The following RYK variants were observed in gnomAD, a reference collection of about 807,000 sequenced individuals.
RYK encodes the protein inactive tyrosine-protein kinase RYK.
A neutral mutation model predicts 70.2 loss-of-function variants in RYK; 21 were observed. The observed-to-expected ratio is 0.30, with a 90% CI of 0.21 to 0.43. RYK has a LOEUF of 0.43. RYK is among the 20% of genes least tolerant of loss of function. The pLI, the probability that RYK is intolerant of heterozygous loss-of-function variation, is 1.00. For synonymous variants in RYK, 267 were observed against 278.0 expected, an observed-to-expected ratio of 0.96 and a Z score of 0.39; for missense variants, 604 against 753.3, an observed-to-expected ratio of 0.80 and a Z score of 2.32.
At chr3:134,237,384 A>T (rs920463341) in intron 1 of RYK, among the ~76,000 whole-genome samples, 1 of 152,180 alleles carries the variant, frequency 6.6e-6, no homozygotes, top group Non-Finnish European at 1.5e-5. Flanking sequence ...TACCTTGCAC[A>T]TCTCACAAAC....
At chr3:134,196,638 G>C (rs1272976297) in intron 6 of RYK, among the ~76,000 whole-genome samples, 2 of 148,430 alleles carry the variant, frequency 1.3e-5, no homozygotes, top group African/African-American at 5.0e-5. Flanking sequence ...CGGCTGCTAT[G>C]TAATCTATAA....
At chr3:134,221,203 T>C (rs975168506) in intron 2 of RYK, among the ~76,000 whole-genome samples, 1 of 123,514 alleles carries the variant, frequency 8.1e-6, no homozygotes, top group African/African-American at 3.1e-5. Context: ...TTTCTTTTTT[T>C]TTTTTTTTTT....
chr3:134,167,278 G>A (rs112538345), intron 13 of RYK, among the ~76,000 whole-genome samples: 41 of 151,988 alleles, frequency 2.7e-4, no homozygotes, highest in Admixed American at 2.0e-4. Context: ...AAAAGAGCCC[G>A]CATTGCCAAG....
chr3:134,174,554 CACAA>C lies in RYK; in HGVS notation c.1575+1051_1575+1054del, dbSNP rs759507039. 2.2e-4 allele frequency among the ~76,000 whole-genome samples: 34 copies of C among 152,102 alleles called. 1 individual carries two copies. Among genetic ancestry groups the C allele is most frequent in the Non-Finnish European group, 1.6e-4 (11 of 68,010 alleles). The stretch of plus-strand genomic sequence containing the variant: ...TTATTCTATAGGATTTTACATATAA[CACAA>C]ACAGATTATCACTGAGTGAACATAT... On this transcript the variant is annotated intron_variant, in intron 13 of 14. Coordinates refer to ENST00000623711, the MANE Select transcript of RYK (RefSeq NM_002958.4).
chr3:134,171,118 T>C (rs2012892813), intron 13 of RYK: 1 of 152,196 alleles, frequency 6.6e-6, no homozygotes, highest in African/African-American at 2.4e-5. Context: ...ACTAAATAAC[T>C]AACTAAAGTA....
intron 1 of RYK, among the ~76,000 whole-genome samples, chr3:134,249,157 G>C (rs1242588642): frequency 6.6e-6 from 1 of 152,130 alleles, no homozygotes; most frequent in African/African-American, 2.4e-5. Flanking sequence ...TGTGTTCCAA[G>C]TACTACCCCA....
chr3:134,196,582 AAC>A (rs57185535), intron 6 of RYK, among the ~76,000 whole-genome samples: 7,199 of 128,252 alleles, frequency 0.056, 176 homozygotes, highest in East Asian at 0.095. Flanking sequence ...TCTGAAACAA[AAC>A]ACACACACAC....
In RYK at chr3:134,163,896, TAAG is replaced by T. The variant is rs547154228; in HGVS notation, c.1576-4526_1576-4524del. The stretch of plus-strand genomic sequence containing the variant: ...AAATGAACCTGGGTTAAGTGTTTTA[TAAG>T]AAGGAGAAGAATTATCTGGGGTGCT... On this transcript the variant is annotated intron_variant, in intron 13 of 14. Transcript: ENST00000623711. Among the ~76,000 whole-genome samples the T allele has an allele frequency of 1.4e-4, 22 of 152,362 alleles. No homozygotes were observed. In the East Asian group the frequency reaches 3.5e-3, roughly 24 times the overall value.
intron 1 of RYK, among the ~76,000 whole-genome samples, chr3:134,247,279 A>G (rs935721033): frequency 3.3e-5 from 5 of 152,252 alleles, no homozygotes; most frequent in Non-Finnish European, 7.3e-5. Flanking sequence ...CTTATTCTAC[A>G]TTGATTTAGA....
intron 2 of RYK, among the ~76,000 whole-genome samples, chr3:134,217,706 G>C (rs2014603504): frequency 6.6e-6 from 1 of 152,178 alleles, no homozygotes. Context: ...CCAAAGGAAA[G>C]ACAATAATCA....
At chr3:134,212,456 T>C (rs1164233645) in intron 2 of RYK, among the ~76,000 whole-genome samples, 1 of 152,228 alleles carries the variant, frequency 6.6e-6, no homozygotes, top group Admixed American at 6.5e-5. Context: ...TTGATAACTA[T>C]GGTATCCCTC....
chr3:134,176,096 T>A, intron 11 of RYK, 57 bp from the exon 12 acceptor site: 1 of 1,040,110 alleles, frequency 9.6e-7, no homozygotes, highest in Middle Eastern at 2.0e-4. Flanking sequence ...GATGGCACTT[T>A]CTTACTTTTT....
intron 1 of RYK, among the ~76,000 whole-genome samples, chr3:134,238,389 T>C (rs1173948768): frequency 6.6e-6 from 1 of 152,164 alleles, no homozygotes; most frequent in Non-Finnish European, 1.5e-5. Context: ...AAAGGAGGAT[T>C]AGAGAGAGCT....
chr3:134,210,425 T>C (rs965832877), intron 3 of RYK, among the ~76,000 whole-genome samples: 3 of 152,210 alleles, frequency 2.0e-5, no homozygotes, highest in Admixed American at 6.5e-5. Flanking sequence ...TAAGATTCTT[T>C]TCCTACAAAT....
At position 134,222,507 on chromosome 3, in the gene RYK, C is replaced by T; in HGVS notation, c.265G>A (p.Asp89Asn). Residue 89 changes from aspartate (D) to asparagine (N), a missense_variant, in exon 2 of 15, where the codon GAC becomes AAC. Asp to Asn is a conservative substitution (Grantham distance 23). Transcript: ENST00000623711. Reference sequence around the variant, plus strand: ...GATAGAGCGTAGTGACTAATAAGGTCATTTCTCACATAATAAAGTTCTGCA... The same window carrying T: ...GATAGAGCGTAGTGACTAATAAGGTTATTTCTCACATAATAAAGTTCTGCA... The part of the protein sequence containing the change: ...LDAELYYVRN[D>N]LISHYALSFS... 6.2e-7 allele frequency: 1 copy of T among 1,612,002 alleles called. No homozygotes were observed. The highest frequency in any genetic ancestry group is 8.5e-7 in the Non-Finnish European group (1 of 1,178,618).
At chr3:134,241,463 C>T (rs2107696267) in intron 1 of RYK, among the ~76,000 whole-genome samples, 1 of 151,946 alleles carries the variant, frequency 6.6e-6, no homozygotes, top group African/African-American at 2.4e-5. Flanking sequence ...TTTTGTGCCA[C>T]TAAGAAAGAA....
At chr3:134,247,702 CA>C (rs34233640) in intron 1 of RYK, among the ~76,000 whole-genome samples, 21,122 of 104,532 alleles carry the variant, frequency 0.2, 1,676 homozygotes, top group East Asian at 0.51. Context: ...AACTCCGTCT[CA>C]AAAAAAAAAA....
At chr3:134,193,953 C>T (rs756154745) in intron 7 of RYK, among the ~76,000 whole-genome samples, 22 of 152,136 alleles carry the variant, frequency 1.4e-4, no homozygotes, top group East Asian at 7.7e-4. Flanking sequence ...TCCTTGGGTA[C>T]GAAATACCTA....
At chr3:134,250,379 A>C (rs1378375960) in intron 1 of RYK, 44 bp downstream of exon 1, 6 of 1,269,932 alleles carry the variant, frequency 4.7e-6, no homozygotes, top group Non-Finnish European at 6.1e-6. Context: ...AAGCTGCCCC[A>C]GCCGGCCCGA....
Sources: allele counts gnomAD v4.1 joint callset (sites outside exome capture counted in the v4.1 genomes callset), GRCh38; gene constraint gnomAD v4.1.1; transcripts MANE v1.5; gene names NCBI Gene and HGNC (gene_info 2026-07-23, HGNC 2026-07-21).